The following SH2D4A variants were observed in gnomAD, a reference collection of about 807,000 sequenced individuals.
The protein encoded by SH2D4A is SH2 domain containing 4A.
Under a neutral mutation model 64.7 loss-of-function variants are expected in SH2D4A, and 70 were observed. The ratio of observed to expected loss-of-function variants is 1.08; its 90% confidence interval spans 0.89 to 1.32. The LOEUF (loss-of-function observed/expected upper bound fraction) is 1.32, where lower values mean the gene tolerates loss of function less well. Ranked by LOEUF, SH2D4A falls within the 40% of genes most tolerant of loss-of-function variation. The pLI is 0.00. For missense variants in SH2D4A, 706 were observed against 540.1 expected (o/e 1.31, Z -3.04); for synonymous variants, 268 against 200.7 (o/e 1.34, Z -2.83).
intron 4 of SH2D4A, among the ~76,000 whole-genome samples, chr8:19,336,989 T>A (rs557656585): frequency 2.6e-5 from 4 of 152,324 alleles, no homozygotes; most frequent in Admixed American, 1.3e-4. Context: ...ATACCACAGT[T>A]ATTATTCTTT....
In SH2D4A at chr8:19,387,929, A is replaced by G. The variant is rs150483480; in HGVS notation, c.1049-5389A>G. Among the ~76,000 whole-genome samples, 604 of 152,334 alleles carry G rather than the reference A, an allele frequency of 4.0e-3. 4 individuals are homozygous for G. The highest frequency in any genetic ancestry group is 0.014 in the African/African-American group (588 of 41,580). Reference sequence around the variant, plus strand: ...TAATGAAGTGAGGATGAATAACGCTAATAGTTCTGATCCTTGACTCATTAA... The same window carrying G: ...TAATGAAGTGAGGATGAATAACGCTGATAGTTCTGATCCTTGACTCATTAA... On this transcript the variant is annotated intron_variant, in intron 8 of 9. Transcript: ENST00000265807.
chr8:19,338,751 T>A (rs2052482438), intron 4 of SH2D4A, among the ~76,000 whole-genome samples: 1 of 152,222 alleles, frequency 6.6e-6, no homozygotes, highest in African/African-American at 2.4e-5. Flanking sequence ...TACCGAAATG[T>A]ACCATAATTT....
At chr8:19,351,896 GC>G (rs2052711165) in intron 4 of SH2D4A, among the ~76,000 whole-genome samples, 1 of 152,048 alleles carries the variant, frequency 6.6e-6, no homozygotes, top group South Asian at 2.1e-4. Context: ...CGATTCTTCT[GC>G]CTCAGCCTCC....
intron 4 of SH2D4A, among the ~76,000 whole-genome samples, chr8:19,350,717 C>T (rs1246634265): frequency 6.6e-6 from 1 of 152,072 alleles, no homozygotes; most frequent in Non-Finnish European, 1.5e-5. Flanking sequence ...CTCCTGGGTG[C>T]AAACAATCTT....
In SH2D4A at chr8:19,393,453, T is replaced by G; in HGVS notation, c.1184T>G (p.Leu395Arg). 6.2e-7 allele frequency: 1 copy of G among 1,614,244 alleles called. No homozygotes were observed. The highest frequency in any genetic ancestry group is 8.5e-7 in the Non-Finnish European group (1 of 1,180,044). Residue 395 changes from leucine to arginine, a missense_variant, in exon 9 of 10, where the codon CTC (leucine) becomes CGC (arginine). Leu to Arg is a moderately radical substitution (Grantham distance 102). Transcript: ENST00000265807. ...YLSEDGCKHF[L>R]IDASADAYSF... ...TCGGAGGACGGCTGTAAACATTTCC[T>G]CATCGATGCCTCTGCAGACGCCTAC...
intron 8 of SH2D4A, among the ~76,000 whole-genome samples, chr8:19,374,017 T>C (rs534494198): frequency 2.0e-5 from 3 of 152,298 alleles, no homozygotes; most frequent in South Asian, 2.1e-4. Context: ...CACACAGTCA[T>C]GGGTGTGGGA....
In SH2D4A at chr8:19,328,869, C is replaced by T. The variant is rs553947621; in HGVS notation, c.182-4086C>T. 5.3e-5 allele frequency among the ~76,000 whole-genome samples: 8 copies of T among 152,334 alleles called. No homozygotes were observed. The East Asian group carries it at 1.5e-3, about 29-fold the overall frequency. The stretch of plus-strand genomic sequence containing the variant: ...GCTTGGAGACATAAATTGATGTATG[C>T]ATGGTCTCATAACTTGTCAGGGGTA... On this transcript the variant is annotated intron_variant, in intron 2 of 9. Transcript: ENST00000265807.
At chr8:19,349,026 G>A (rs535467479) in intron 4 of SH2D4A, among the ~76,000 whole-genome samples, 4 of 152,228 alleles carry the variant, frequency 2.6e-5, no homozygotes, top group South Asian at 4.2e-4. Flanking sequence ...CTAGAATTTC[G>A]AGGATTGAAT....
At position 19,386,716 on chromosome 8, in the gene SH2D4A, G is replaced by T. The variant is rs533072148; in HGVS notation, c.1049-6602G>T. Among the ~76,000 whole-genome samples, 11 of 152,332 alleles carry T rather than the reference G, an allele frequency of 7.2e-5. No homozygotes were observed. The South Asian group carries it at 2.3e-3, about 32-fold the overall frequency. ...TTCACTTGGAATTTTGAATAGAAAAGGGGTTCTACTGTTTAATTTAGTATT... is the reference window on the plus strand; with the variant it reads ...TTCACTTGGAATTTTGAATAGAAAATGGGTTCTACTGTTTAATTTAGTATT... On this transcript the variant is annotated intron_variant, in intron 8 of 9. Coordinates refer to ENST00000265807, the MANE Select transcript of SH2D4A (RefSeq NM_022071.4).
chr8:19,345,512 G>A (rs1432732507), intron 4 of SH2D4A, among the ~76,000 whole-genome samples: 1 of 152,236 alleles, frequency 6.6e-6, no homozygotes, highest in Admixed American at 6.5e-5. Flanking sequence ...ACAGTGGTAT[G>A]TGGCAAAGTC....
At chr8:19,389,933 G>A (rs1306409229) in intron 8 of SH2D4A, among the ~76,000 whole-genome samples, 1 of 152,146 alleles carries the variant, frequency 6.6e-6, no homozygotes, top group Non-Finnish European at 1.5e-5. Flanking sequence ...ATGACATCAG[G>A]TTTGGTTTCT....
chr8:19,338,064 T>C (rs999097794), intron 4 of SH2D4A, among the ~76,000 whole-genome samples: 1 of 152,206 alleles, frequency 6.6e-6, no homozygotes, highest in African/African-American at 2.4e-5. Flanking sequence ...AGAGTAAATA[T>C]CTGTTGTTTT....
chr8:19,325,097 G>T (rs931417628), intron 2 of SH2D4A, among the ~76,000 whole-genome samples: 28 of 152,046 alleles, frequency 1.8e-4, no homozygotes, highest in African/African-American at 6.5e-4. Flanking sequence ...GCGTCTGCTG[G>T]TCCTGCCTTT....
chr8:19,375,753 G>C (rs961603245), intron 8 of SH2D4A: 4 of 151,644 alleles, frequency 2.6e-5, no homozygotes, highest in African/African-American at 9.7e-5. Flanking sequence ...GTTCTCACCA[G>C]AAAAAAAATG....
chr8:19,340,803 G>T (rs1048617197), intron 4 of SH2D4A, among the ~76,000 whole-genome samples: 5 of 151,798 alleles, frequency 3.3e-5, no homozygotes, highest in Non-Finnish European at 7.4e-5. Flanking sequence ...TCACTGTGTT[G>T]CCCAGGCTGG....
rs1288786579 is a variant in SH2D4A, at chr8:19,361,233, G to A, written c.625G>A (p.Glu209Lys). 3.2e-6 allele frequency: 5 copies of A among 1,569,734 alleles called. No individual in the cohort carries two copies. Among genetic ancestry groups the A allele is most frequent in the Non-Finnish European group, 3.5e-6 (4 of 1,145,318 alleles). The stretch of plus-strand genomic sequence containing the variant: ...AGAATCTATGAAGAAAAAACAAGAT[G>A]AAGAAATAAATCAAATAGAAGAAGA... ...KKESMKKKQD[E>K]EINQIEEERT... Residue 209 changes from glutamate (E) to lysine (K), a missense_variant, in exon 6 of 10, where the codon GAA becomes AAA. Glu to Lys is a moderately conservative substitution (Grantham distance 56). Coordinates refer to ENST00000265807, the MANE Select transcript of SH2D4A (RefSeq NM_022071.4).
chr8:19,381,152 C>T (rs1335141964), intron 8 of SH2D4A, among the ~76,000 whole-genome samples: 3 of 151,864 alleles, frequency 2.0e-5, no homozygotes, highest in Non-Finnish European at 4.4e-5. Context: ...CAAGTTCGAT[C>T]AATTCTCCCA....
At chr8:19,315,373 C>G (rs981042851) in intron 1 of SH2D4A, among the ~76,000 whole-genome samples, 1 of 152,190 alleles carries the variant, frequency 6.6e-6, no homozygotes. Flanking sequence ...TGAGCTCCAG[C>G]AATCCACCCA....
chr8:19,382,192 C>T (rs577502499), intron 8 of SH2D4A, among the ~76,000 whole-genome samples: 2 of 152,118 alleles, frequency 1.3e-5, no homozygotes, highest in African/African-American at 2.4e-5. Context: ...TTAGTGGTAA[C>T]AAACTTCCTT....
Sources: gnomAD v4.1 joint callset for allele counts (sites outside exome capture counted in the v4.1 genomes callset) on GRCh38, gnomAD v4.1.1 for gene constraint, MANE v1.5 for transcripts, NCBI Gene and HGNC (gene_info 2026-07-23, HGNC 2026-07-21) for gene names.